The following ARHGEF9 variants were observed in gnomAD, a reference collection of about 807,000 sequenced individuals.
ARHGEF9 encodes Cdc42 guanine nucleotide exchange factor 9.
A neutral mutation model predicts 41.3 loss-of-function variants in ARHGEF9; 2 were observed. That is an observed-to-expected ratio of 0.05 (90% confidence interval 0.02 to 0.15). The LOEUF (loss-of-function observed/expected upper bound fraction) is 0.15. Ranked by LOEUF, ARHGEF9 falls within the 10% of genes least tolerant of loss-of-function variation. The pLI is 1.00. For synonymous variants in ARHGEF9, 160 were observed against 154.4 expected, an observed-to-expected ratio of 1.04 and a Z score of -0.27; for missense variants, 225 against 424.7, an observed-to-expected ratio of 0.53 and a Z score of 4.13.
chrX:63,635,272 T>C lies in ARHGEF9; in HGVS notation c.*2756A>G, dbSNP rs782623946. The C allele has an allele frequency of 2.7e-4, 135 of 498,938 alleles. No homozygotes were observed. Among genetic ancestry groups the C allele is most frequent in the South Asian group, 9.7e-4 (37 of 37,950 alleles). The allele number at this position is 498,938 out of a possible 1,213,427, so 41.1% of individuals were successfully genotyped here. On this transcript the variant is annotated 3_prime_UTR_variant, in exon 10 of 10. Coordinates refer to ENST00000671741, the MANE Select transcript of ARHGEF9 (RefSeq NM_001353921.2). ...TGTTCTTATAGATCCATTAGAAATATACACATAGAGAGGGGGGGAAAAAGA... is the reference window on the plus strand; with the variant it reads ...TGTTCTTATAGATCCATTAGAAATACACACATAGAGAGGGGGGGAAAAAGA...
rs1261017229 is a variant in ARHGEF9 at position 63,683,476 on chromosome X, T to C, written c.583-4904A>G. 2.7e-5 allele frequency among the ~76,000 whole-genome samples: 3 copies of C among 111,670 alleles called. No individual in the cohort carries two copies. In the Admixed American group the frequency reaches 2.8e-4, roughly 11 times the overall value. On this transcript the variant is annotated intron_variant, in intron 4 of 9. Coordinates refer to ENST00000671741, the MANE Select transcript of ARHGEF9 (RefSeq NM_001353921.2). The stretch of plus-strand genomic sequence containing the variant: ...CCCTATCTAAATTCCAATGGCATTT[T>C]TCATGGAAATAGACAAAAACATATA...
chrX:63,684,479 G>T (rs1383477476), intron 4 of ARHGEF9, among the ~76,000 whole-genome samples: 1 of 110,905 alleles, frequency 9.0e-6, no homozygotes, highest in Non-Finnish European at 1.9e-5. Context: ...TGTTCCCAAA[G>T]AAATCAAAAA....
intron 4 of ARHGEF9, among the ~76,000 whole-genome samples, chrX:63,679,340 G>C (rs2050471362): frequency 9.0e-6 from 1 of 110,771 alleles, no homozygotes; most frequent in Non-Finnish European, 1.9e-5. Flanking sequence ...TTAATTCCAA[G>C]TAAAGTTTTA....
At chrX:63,653,651 A>G (rs1388413998) in intron 8 of ARHGEF9, among the ~76,000 whole-genome samples, 1 of 111,386 alleles carries the variant, frequency 9.0e-6, no homozygotes, top group African/African-American at 3.3e-5. Context: ...TTATATGGAC[A>G]TGAGATAAGT....
intron 6 of ARHGEF9, among the ~76,000 whole-genome samples, chrX:63,669,487 C>A (rs2049804113): frequency 8.9e-6 from 1 of 111,896 alleles, no homozygotes; most frequent in African/African-American, 3.3e-5. Flanking sequence ...CTCACTCAAA[C>A]TAACAGTCAG....
At chrX:63,726,814 A>T (rs1231522450) in intron 1 of ARHGEF9, 2 of 111,858 alleles carry the variant, frequency 1.8e-5, no homozygotes, top group Non-Finnish European at 3.8e-5. Context: ...TCCATCTATG[A>T]TATCATAAGC....
In ARHGEF9 at chrX:63,665,760, A is replaced by G. The variant is rs2049495149; in HGVS notation, c.1077+126T>C. Reference sequence around the variant, plus strand: ...TGTTCCTGATACAGAATTGCTGCCAATCTCCTGTCTGTTTTCCCCCCATCA... The same window carrying G: ...TGTTCCTGATACAGAATTGCTGCCAGTCTCCTGTCTGTTTTCCCCCCATCA... On this transcript the variant is annotated intron_variant, in intron 7 of 9. Transcript: ENST00000671741. 16 of 901,173 alleles carry G rather than the reference A, an allele frequency of 1.8e-5. No homozygotes were observed. The South Asian group carries it at 2.5e-4, about 14-fold the overall frequency. 74.3% of individuals were successfully genotyped at this position (901,173 alleles called of 1,213,427 possible).
chrX:63,775,312 A>C (rs2056274144), intron 1 of ARHGEF9, among the ~76,000 whole-genome samples: 1 of 112,805 alleles, frequency 8.9e-6, no homozygotes, highest in Admixed American at 9.3e-5. Context: ...TTCACCTAGC[A>C]ATCCCATTAC....
chrX:63,702,174 G>T (rs2052229438), intron 3 of ARHGEF9, among the ~76,000 whole-genome samples: 1 of 112,476 alleles, frequency 8.9e-6, no homozygotes, highest in African/African-American at 3.2e-5. Flanking sequence ...AGCTTCTCTG[G>T]AGGCATTTGA....
intron 1 of ARHGEF9, among the ~76,000 whole-genome samples, chrX:63,753,812 A>G (rs782232885): frequency 4.0e-4 from 45 of 112,042 alleles, no homozygotes; most frequent in Non-Finnish European, 7.9e-4. Context: ...GATTCAAAGG[A>G]CACAGTCACC....
intron 8 of ARHGEF9, chrX:63,644,274 G>C: frequency 3.5e-6 from 1 of 287,907 alleles, no homozygotes; most frequent in Non-Finnish European, 6.0e-6. Flanking sequence ...GCACAACACA[G>C]AATAGAGAGC....
At chrX:63,645,221 AT>A (rs374631241) in intron 8 of ARHGEF9, among the ~76,000 whole-genome samples, 1,173 of 109,303 alleles carry the variant, frequency 0.011, 10 homozygotes, top group African/African-American at 0.035. Flanking sequence ...CTCTAAAATG[AT>A]TTTTTTTTCA....
At chrX:63,654,963 A>G (rs2048790401) in intron 8 of ARHGEF9, among the ~76,000 whole-genome samples, 1 of 112,502 alleles carries the variant, frequency 8.9e-6, no homozygotes, top group Admixed American at 9.4e-5. Flanking sequence ...GCAAAAAAGT[A>G]TGTTTCAGTG....
chrX:63,755,151 T>TA (rs2055885683), intron 1 of ARHGEF9: 1 of 937,459 alleles, frequency 1.1e-6, no homozygotes, highest in South Asian at 5.9e-5. Context: ...GCTGCCTTTT[T>TA]ATTCACCGAG....
At chrX:63,721,380 A>G (rs1291565683) in intron 2 of ARHGEF9, among the ~76,000 whole-genome samples, 2 of 110,872 alleles carry the variant, frequency 1.8e-5, no homozygotes, top group Non-Finnish European at 3.8e-5. Flanking sequence ...TTGAAAGAAC[A>G]AGAAAAGTAT....
intron 1 of ARHGEF9, among the ~76,000 whole-genome samples, chrX:63,775,364 G>GAT (rs1276830843): frequency 1.8e-5 from 2 of 112,351 alleles, no homozygotes; most frequent in African/African-American, 6.5e-5. Context: ...CTACCATAAA[G>GAT]ATATATGCAC....
At position 63,650,063 on chromosome X, in the gene ARHGEF9, G is replaced by A. The variant is rs782599850; in HGVS notation, c.1321+5431C>T. On this transcript the variant is annotated intron_variant, in intron 8 of 9. Coordinates refer to ENST00000671741, the MANE Select transcript of ARHGEF9 (RefSeq NM_001353921.2). The stretch of plus-strand genomic sequence containing the variant: ...GAAGGGATAAACAAACCAAAAACAC[G>A]TTCTTTGAAACGACCAAATGTAAAT... Among the ~76,000 whole-genome samples the A allele has an allele frequency of 1.3e-4, 15 of 111,323 alleles. No individual in the cohort carries two copies. In the East Asian group the frequency reaches 2.8e-3, roughly 21 times the overall value.
At chrX:63,673,484 T>C (rs1364348604) in intron 6 of ARHGEF9, among the ~76,000 whole-genome samples, 4 of 111,299 alleles carry the variant, frequency 3.6e-5, no homozygotes, top group Non-Finnish European at 5.6e-5. Context: ...CTGTCTGCAA[T>C]GAAATAATCA....
intron 1 of ARHGEF9, among the ~76,000 whole-genome samples, chrX:63,774,903 T>C (rs1240073714): frequency 1.8e-5 from 2 of 111,714 alleles, no homozygotes; most frequent in Non-Finnish European, 3.8e-5. Flanking sequence ...GAGAAAATGT[T>C]TGAAAACTAT....
Sources: allele counts gnomAD v4.1 joint callset (sites outside exome capture counted in the v4.1 genomes callset), GRCh38; gene constraint gnomAD v4.1.1; transcripts MANE v1.5; gene names NCBI Gene and HGNC (gene_info 2026-07-23, HGNC 2026-07-21).